The following RSPH6A variants were observed in gnomAD, a reference collection of about 807,000 sequenced individuals.
RSPH6A encodes radial spoke head protein 6 homolog A.
A neutral mutation model predicts 66.1 loss-of-function variants in RSPH6A; 49 were observed. The observed-to-expected ratio is 0.74, with a 90% confidence interval of 0.59 to 0.94. The LOEUF (loss-of-function observed/expected upper bound fraction) is 0.94. RSPH6A is among the 40% of genes least tolerant of loss of function. RSPH6A has a pLI of 0.00. For synonymous variants in RSPH6A, 419 were observed against 402.4 expected (o/e 1.04, Z -0.49); for missense variants, 977 against 948.3 (o/e 1.03, Z -0.40).
At chr19:45,810,422 G>A (rs569386321) in intron 2 of RSPH6A, among the ~76,000 whole-genome samples, 181 bp downstream of exon 2, 36 of 152,068 alleles carry the variant, frequency 2.4e-4, no homozygotes, top group Non-Finnish European at 3.8e-4. Context: ...TGCCCACCTC[G>A]GCCTCCCAAA....
At chr19:45,808,657 CTTTTTTT>C (rs60697395) in intron 2 of RSPH6A, among the ~76,000 whole-genome samples, 6 of 104,226 alleles carry the variant, frequency 5.8e-5, no homozygotes, top group African/African-American at 1.9e-4. Flanking sequence ...CAAAACTTAT[CTTTTTTT>C]TTTTTTTTTT....
chr19:45,795,903 TCGCCCTCCTCCTCCTCC>T lies in RSPH6A; in HGVS notation c.2103_2119del (p.Glu702GlyfsTer10), dbSNP rs768501261. 6.2e-7 allele frequency: 1 copy of T among 1,612,674 alleles called. No individual in the cohort carries two copies. The highest frequency in any genetic ancestry group is 1.3e-5 in the African/African-American group (1 of 74,860). On this transcript the variant is annotated frameshift_variant, in exon 6 of 6. Transcript: ENST00000221538. LOFTEE classifies it high-confidence loss of function. ...TGTCTCCTCGCCCTCCTCCTCCTCC[TCGCCCTCCTCCTCCTCC>T]TCTGTGGCTCCCAGGGCTTGTTCCT... is the stretch of plus-strand genomic sequence containing the variant.
Position 45,814,753 on chromosome 19 carries a change from G to A in RSPH6A, c.424C>T (p.Pro142Ser). 6.2e-7 allele frequency: 1 copy of A among 1,613,862 alleles called. No homozygotes were observed. Among genetic ancestry groups the A allele is most frequent in the Non-Finnish European group, 8.5e-7 (1 of 1,179,880 alleles). The stretch of plus-strand genomic sequence containing the variant: ...TTGAACTGGCCCAAGGGGTTGACTG[G>A]GGGCTCCTGGAAGGTGGGGTCCAGT... ...QQLDPTFQEP[P>S]VNPLGQFNLY... The change falls in exon 1 of 6, where the codon CCA becomes TCA. Residue 142 changes from proline (P) to serine (S), a missense_variant. Physicochemically the swap from Pro to Ser is moderately conservative, Grantham distance 74 (BLOSUM62 -1). Coordinates refer to ENST00000221538, the MANE Select transcript of RSPH6A (RefSeq NM_030785.4).
At position 45,804,715 on chromosome 19, in the gene RSPH6A, T is replaced by C; in HGVS notation, c.1190A>G (p.Glu397Gly). The C allele has an allele frequency of 6.2e-7, 1 of 1,613,664 alleles. No homozygotes were observed. The highest frequency in any genetic ancestry group is 8.5e-7 in the Non-Finnish European group (1 of 1,179,864). The change falls in exon 3 of 6, where the codon GAG (glutamate) becomes GGG (glycine). Residue 397 changes from glutamate to glycine, a missense_variant. Glu to Gly is a moderately conservative substitution (Grantham distance 98, BLOSUM62 -2). Coordinates refer to ENST00000221538, the MANE Select transcript of RSPH6A (RefSeq NM_030785.4). This position sits in a 1 kb window ranked among gnomAD's most constrained non-coding sequence, Gnocchi z 5.8. ...HGEEEGEEDEEKAVDIVPKSV... is the reference protein window; with the variant it reads ...HGEEEGEEDEGKAVDIVPKSV... ...CTTAGGGACGATGTCCACGGCCTTC[T>C]CCTCGTCCTCCTCGCCCTCCTCCTC... is the stretch of plus-strand genomic sequence containing the variant.
intron 5 of RSPH6A, among the ~76,000 whole-genome samples, chr19:45,797,938 G>GT (rs1331964985): frequency 1.3e-5 from 2 of 152,116 alleles, no homozygotes. Flanking sequence ...GAACAAGGAG[G>GT]TAAGTGCCCA....
intron 2 of RSPH6A, among the ~76,000 whole-genome samples, chr19:45,807,114 G>A (rs575634297): frequency 4.6e-5 from 7 of 151,798 alleles, no homozygotes; most frequent in African/African-American, 1.2e-4. Context: ...GGCTGGTCTC[G>A]AACTCCTGAC....
chr19:45,810,115 C>T (rs1970602936), intron 2 of RSPH6A, among the ~76,000 whole-genome samples: 1 of 152,120 alleles, frequency 6.6e-6, no homozygotes, highest in South Asian at 2.1e-4. Context: ...TCAAGACCAA[C>T]CCGGCCAACA....
chr19:45,801,052 C>A (rs745804580), intron 4 of RSPH6A, among the ~76,000 whole-genome samples: 13 of 152,168 alleles, frequency 8.5e-5, no homozygotes, highest in Non-Finnish European at 1.8e-4. Flanking sequence ...CCCGCCTCAG[C>A]CCCCCAAAGT....
intron 1 of RSPH6A, among the ~76,000 whole-genome samples, chr19:45,813,888 C>T (rs962879255): frequency 7.9e-5 from 12 of 152,002 alleles, no homozygotes; most frequent in East Asian, 1.9e-4. Context: ...GGGCTGGGCA[C>T]GGTGGTTCAT....
intron 2 of RSPH6A, among the ~76,000 whole-genome samples, chr19:45,806,880 T>C (rs577080291): frequency 3.3e-4 from 50 of 151,474 alleles, no homozygotes; most frequent in Non-Finnish European, 6.0e-4. Context: ...TCCCAAAATC[T>C]TTATTATTTA....
In RSPH6A at chr19:45,795,899, CT is replaced by C; in HGVS notation, c.2123del (p.Glu708GlyfsTer32). The C allele has an allele frequency of 6.2e-7, 1 of 1,612,602 alleles. No homozygotes were observed. Among genetic ancestry groups the C allele is most frequent in the South Asian group, 1.1e-5 (1 of 90,978 alleles). Reference sequence around the variant, plus strand: ...CATCTGTCTCCTCGCCCTCCTCCTCCTCCTCGCCCTCCTCCTCCTCCTCTGT... The same window carrying C: ...CATCTGTCTCCTCGCCCTCCTCCTCCCCTCGCCCTCCTCCTCCTCCTCTGT... The part of the protein sequence containing the change: ...GATEEEEEGE[E>X]EEEGEETDD On this transcript the variant is annotated frameshift_variant, in exon 6 of 6. Transcript: ENST00000221538. LOFTEE classifies it high-confidence loss of function.
At position 45,815,277 on chromosome 19, in the gene RSPH6A, G is replaced by T; in HGVS notation, c.-101C>A. 1.5e-6 allele frequency: 2 copies of T among 1,326,058 alleles called. No individual in the cohort carries two copies. Among genetic ancestry groups the T allele is most frequent in the Non-Finnish European group, 1.0e-6 (1 of 996,018 alleles). 82.1% of individuals were successfully genotyped at this position (1,326,058 alleles called of 1,614,324 possible). A position where few individuals can be genotyped will look rare whatever the true frequency, so the allele number is the denominator to read the frequency against. On this transcript the variant is annotated 5_prime_UTR_variant, in exon 1 of 6. Transcript: ENST00000221538. ...CCGCCGGTTTCTGAGCACCGAGAGA[G>T]GGGGCCGTTACCCGTGGAGGGCGCG...
intron 1 of RSPH6A, among the ~76,000 whole-genome samples, chr19:45,812,977 T>C (rs1269779343): frequency 1.3e-5 from 2 of 152,046 alleles, no homozygotes; most frequent in African/African-American, 2.4e-5. Flanking sequence ...ATCACAGGCA[T>C]GAGCAAGGCC....
chr19:45,799,174 A>T (rs1222064412), intron 5 of RSPH6A, among the ~76,000 whole-genome samples: 1 of 152,232 alleles, frequency 6.6e-6, no homozygotes, highest in Non-Finnish European at 1.5e-5. Flanking sequence ...CATTGAGATT[A>T]AAAACGAAAT....
chr19:45,814,611 AC>A lies in RSPH6A; in HGVS notation c.565del (p.Val189CysfsTer34). On this transcript the variant is annotated frameshift_variant, in exon 1 of 6. Transcript: ENST00000221538. LOFTEE classifies it high-confidence loss of function. ...CAGCTCCAGAGGCTCGGGCTCAGGCACCTGGGCACTGTAGTGTGGGAAGCCC... is the reference window on the plus strand; with the variant it reads ...CAGCTCCAGAGGCTCGGGCTCAGGCACTGGGCACTGTAGTGTGGGAAGCCC... ...ELGFPHYSAQ[V>X]PEPEPLELAV... 6.3e-7 allele frequency: 1 copy of A among 1,583,324 alleles called. No individual in the cohort carries two copies. Among genetic ancestry groups the A allele is most frequent in the Non-Finnish European group, 8.6e-7 (1 of 1,165,604 alleles).
intron 4 of RSPH6A, among the ~76,000 whole-genome samples, chr19:45,801,517 T>C (rs539261855): frequency 6.6e-6 from 1 of 152,072 alleles, no homozygotes; most frequent in Non-Finnish European, 1.5e-5. Flanking sequence ...TCCCAGCACT[T>C]TGGGAGGCCG....
intron 2 of RSPH6A, among the ~76,000 whole-genome samples, chr19:45,807,573 C>A (rs1426210829): frequency 6.6e-6 from 1 of 152,010 alleles, no homozygotes; most frequent in Non-Finnish European, 1.5e-5. Flanking sequence ...TGCAGTGGCA[C>A]AATCTCGGCT....
At chr19:45,814,411 A>C (rs1600482124) in intron 1 of RSPH6A, 116 bp downstream of exon 1, 1 of 922,540 alleles carries the variant, frequency 1.1e-6, no homozygotes, top group East Asian at 2.8e-5. Flanking sequence ...GCTGAATTAG[A>C]GTCACTGGTT....
In RSPH6A at chr19:45,814,613, C is replaced by G; in HGVS notation, c.564G>C (p.Gln188His). 6.3e-7 allele frequency: 1 copy of G among 1,587,732 alleles called. No individual in the cohort carries two copies. The highest frequency in any genetic ancestry group is 8.6e-7 in the Non-Finnish European group (1 of 1,167,360). ...GCTCCAGAGGCTCGGGCTCAGGCACCTGGGCACTGTAGTGTGGGAAGCCCA... is the reference window on the plus strand; with the variant it reads ...GCTCCAGAGGCTCGGGCTCAGGCACGTGGGCACTGTAGTGTGGGAAGCCCA... The part of the protein sequence containing the change: ...SELGFPHYSA[Q>H]VPEPEPLELA... The change falls in exon 1 of 6, where the codon CAG (glutamine) becomes CAC (histidine). Residue 188 changes from glutamine (Q) to histidine (H), a missense_variant. Gln to His is a conservative substitution (Grantham distance 24, BLOSUM62 0). Transcript: ENST00000221538.
Sources: gnomAD v4.1 joint callset for allele counts (sites outside exome capture counted in the v4.1 genomes callset) on GRCh38, gnomAD v4.1.1 for gene constraint, Gnocchi (gnomAD v3.1) non-coding constraint, MANE v1.5 for transcripts, NCBI Gene and HGNC (gene_info 2026-07-23, HGNC 2026-07-21) for gene names.